FSTL5: variants seen among roughly 807,000 people sequenced by gnomAD.
FSTL5 encodes follistatin-related protein 5.
In FSTL5, 62 loss-of-function variants were observed where a neutral mutation model predicts 89.1. The observed-to-expected ratio is 0.70, with a 90% CI of 0.57 to 0.86. FSTL5 has a LOEUF of 0.86. FSTL5 is among the 40% of genes least tolerant of loss of function. The pLI is 0.00. For synonymous variants in FSTL5, 383 were observed against 346.2 expected (o/e 1.11, Z -1.18); for missense variants, 1,057 against 1,001.6 (o/e 1.06, Z -0.75).
At chr4:161,998,242 T>G (rs1736358775) in intron 3 of FSTL5, among the ~76,000 whole-genome samples, 3 of 152,262 alleles carry the variant, frequency 2.0e-5, no homozygotes, top group South Asian at 4.1e-4. Context: ...CTTTGTTTCT[T>G]TTTTTTATTG....
intron 5 of FSTL5, among the ~76,000 whole-genome samples, chr4:161,771,490 C>T (rs927945613): frequency 2.6e-5 from 4 of 152,046 alleles, no homozygotes; most frequent in African/African-American, 9.6e-5. Flanking sequence ...TGATTTGAAC[C>T]CAGACTTTAT....
intron 10 of FSTL5, among the ~76,000 whole-genome samples, chr4:161,514,188 T>G (rs1730740868): frequency 6.6e-6 from 1 of 151,550 alleles, no homozygotes. Flanking sequence ...GAATAATAAA[T>G]AAGTGACCAT....
chr4:161,784,124 TG>T (rs1297040491), intron 4 of FSTL5, among the ~76,000 whole-genome samples: 1 of 151,668 alleles, frequency 6.6e-6, no homozygotes, highest in Non-Finnish European at 1.5e-5. Context: ...TTAATATAGA[TG>T]GGGTTTTGCC....
intron 3 of FSTL5, among the ~76,000 whole-genome samples, chr4:161,958,968 T>C (rs1184878358): frequency 6.6e-6 from 1 of 152,114 alleles, no homozygotes; most frequent in Non-Finnish European, 1.5e-5. Flanking sequence ...GAGACTGTTG[T>C]GCTCTTTCTA....
At chr4:161,943,785 G>A (rs1413657447) in intron 3 of FSTL5, among the ~76,000 whole-genome samples, 1 of 151,758 alleles carries the variant, frequency 6.6e-6, no homozygotes, top group Non-Finnish European at 1.5e-5. Context: ...TCGATCTCCT[G>A]ACCTCGTGAT....
At chr4:161,824,288 C>CT (rs1730598029) in intron 4 of FSTL5, among the ~76,000 whole-genome samples, 1 of 152,050 alleles carries the variant, frequency 6.6e-6, no homozygotes, top group Non-Finnish European at 1.5e-5. Context: ...CCATTTTATG[C>CT]TTTTGTTGGC....
At chr4:161,510,703 T>C (rs1730623666) in intron 10 of FSTL5, among the ~76,000 whole-genome samples, 1 of 151,888 alleles carries the variant, frequency 6.6e-6, no homozygotes, top group South Asian at 2.1e-4. Context: ...TTGAAAAGAA[T>C]AGGAAGTTTA....
At chr4:161,523,756 G>A (rs1196564082) in intron 10 of FSTL5, among the ~76,000 whole-genome samples, 2 of 151,922 alleles carry the variant, frequency 1.3e-5, no homozygotes, top group Non-Finnish European at 2.9e-5. Flanking sequence ...AACTTTGCTG[G>A]GAATTGGAAT....
chr4:162,152,486 C>T (rs1178215450), intron 1 of FSTL5, among the ~76,000 whole-genome samples: 2 of 152,040 alleles, frequency 1.3e-5, no homozygotes, highest in Non-Finnish European at 2.9e-5. Flanking sequence ...ATTTTTATTA[C>T]TATTATTTCT....
intron 2 of FSTL5, among the ~76,000 whole-genome samples, chr4:162,036,056 T>A (rs926253688): frequency 1.1e-4 from 16 of 152,028 alleles, no homozygotes; most frequent in Non-Finnish European, 5.9e-5. Context: ...TAAGCACTAG[T>A]GTCCTAGGCA....
chr4:161,771,321 C>T (rs1741202724), intron 5 of FSTL5, among the ~76,000 whole-genome samples: 1 of 151,984 alleles, frequency 6.6e-6, no homozygotes, highest in Admixed American at 6.6e-5. Flanking sequence ...TTTCTATGTG[C>T]TAGCAATGTT....
chr4:162,104,319 C>T (rs984966180), intron 2 of FSTL5, among the ~76,000 whole-genome samples: 1 of 152,170 alleles, frequency 6.6e-6, no homozygotes, highest in African/African-American at 2.4e-5. Context: ...ACACTCACCA[C>T]ATGGCCCAAT....
rs567364954 is a variant in FSTL5 at position 161,808,234 on chromosome 4, T to C, written c.410-32160A>G. On this transcript the variant is annotated intron_variant, in intron 4 of 15. Transcript: ENST00000306100. The stretch of plus-strand genomic sequence containing the variant: ...TGAGTGATAGATGGCCAATGTATGA[T>C]TGCAAAGTAAAAATAATTAGACAGG... Among the ~76,000 whole-genome samples, 23 of 152,192 alleles carry C rather than the reference T, an allele frequency of 1.5e-4. No homozygotes were observed. In the South Asian group the frequency reaches 3.9e-3, roughly 26 times the overall value.
At chr4:162,082,590 T>G (rs1039672195) in intron 2 of FSTL5, among the ~76,000 whole-genome samples, 16 of 151,462 alleles carry the variant, frequency 1.1e-4, no homozygotes, top group African/African-American at 3.6e-4. Flanking sequence ...TCTCTTTCTC[T>G]ATGTTTTCTA....
At chr4:161,673,465 T>C (rs1737190930) in intron 6 of FSTL5, among the ~76,000 whole-genome samples, 1 of 152,056 alleles carries the variant, frequency 6.6e-6, no homozygotes, top group Non-Finnish European at 1.5e-5. Flanking sequence ...TTAAATAAGC[T>C]ACTGAGACAA....
chr4:161,905,736 A>C (rs1483387859), intron 4 of FSTL5, among the ~76,000 whole-genome samples: 2 of 152,102 alleles, frequency 1.3e-5, no homozygotes, highest in Non-Finnish European at 2.9e-5. Context: ...AACTAAGCAG[A>C]AGAGAGGACA....
intron 7 of FSTL5, among the ~76,000 whole-genome samples, chr4:161,647,605 C>A (rs1414298792): frequency 2.6e-5 from 4 of 151,524 alleles, no homozygotes. Flanking sequence ...TTTTAGAGAT[C>A]TGCTATAAAA....
intron 10 of FSTL5, among the ~76,000 whole-genome samples, chr4:161,511,593 T>C (rs530414667): frequency 3.2e-4 from 48 of 152,224 alleles, no homozygotes; most frequent in African/African-American, 8.2e-4. Flanking sequence ...TGGTGATGGA[T>C]GTGTTAATGA....
intron 3 of FSTL5, among the ~76,000 whole-genome samples, chr4:161,969,317 G>A (rs905289231): frequency 6.6e-6 from 1 of 151,960 alleles, no homozygotes; most frequent in Non-Finnish European, 1.5e-5. Context: ...CCCAAGTGTT[G>A]AAAATAACAT....
Sources: allele counts gnomAD v4.1 joint callset (sites outside exome capture counted in the v4.1 genomes callset), GRCh38; gene constraint gnomAD v4.1.1; transcripts MANE v1.5; gene names NCBI Gene and HGNC (gene_info 2026-07-23, HGNC 2026-07-21).